The following COL26A1 variants were observed in gnomAD, a reference collection of about 807,000 sequenced individuals.
The protein encoded by COL26A1 is collagen alpha-1(XXVI) chain.
In COL26A1, 41 loss-of-function variants were observed where a neutral mutation model predicts 59.3. The observed-to-expected ratio is 0.69, with a 90% CI of 0.54 to 0.90. The LOEUF (loss-of-function observed/expected upper bound fraction) is 0.90. Ranked by LOEUF, COL26A1 falls within the 40% of genes least tolerant of loss-of-function variation. The pLI is 0.00. For synonymous variants in COL26A1, 266 were observed against 256.0 expected (o/e 1.04, Z -0.37); for missense variants, 612 against 602.3 (o/e 1.02, Z -0.17).
intron 3 of COL26A1, among the ~76,000 whole-genome samples, chr7:101,458,593 G>A (rs1274788621): frequency 6.6e-6 from 1 of 151,922 alleles, no homozygotes; most frequent in Non-Finnish European, 1.5e-5. Flanking sequence ...TGAGCCAAGT[G>A]AGCCAAGATC....
At chr7:101,482,331 T>G (rs1794174373) in intron 3 of COL26A1, among the ~76,000 whole-genome samples, 1 of 152,198 alleles carries the variant, frequency 6.6e-6, no homozygotes, top group Non-Finnish European at 1.5e-5. Context: ...TTTTTATTGA[T>G]GTTTTTATGT....
At chr7:101,482,827 C>T (rs1426584585) in intron 3 of COL26A1, among the ~76,000 whole-genome samples, 1 of 152,178 alleles carries the variant, frequency 6.6e-6, no homozygotes, top group Non-Finnish European at 1.5e-5. Context: ...CGTGTTGGCA[C>T]ACGCTTGTAA....
At chr7:101,377,961 G>A (rs372392530) in intron 1 of COL26A1, among the ~76,000 whole-genome samples, 4 of 152,102 alleles carry the variant, frequency 2.6e-5, no homozygotes, top group African/African-American at 7.2e-5. Context: ...GCTAGAGAGC[G>A]GTGGCACAAT....
At chr7:101,375,698 A>G (rs1169968271) in intron 1 of COL26A1, among the ~76,000 whole-genome samples, 5 of 150,888 alleles carry the variant, frequency 3.3e-5, no homozygotes, top group African/African-American at 1.2e-4. Context: ...AGAAAGAAAA[A>G]GAAAATTGGC....
intron 1 of COL26A1, among the ~76,000 whole-genome samples, chr7:101,367,392 C>T (rs561867920): frequency 4.6e-5 from 7 of 152,218 alleles, no homozygotes; most frequent in South Asian, 2.1e-4. Context: ...AGGCCAGGTG[C>T]GGTGGCTCAT....
At chr7:101,483,601 G>A (rs1410648984) in intron 3 of COL26A1, among the ~76,000 whole-genome samples, 1 of 152,020 alleles carries the variant, frequency 6.6e-6, no homozygotes, top group Non-Finnish European at 1.5e-5. Flanking sequence ...TTGAACTCCT[G>A]GGTTCAAGCC....
chr7:101,512,194 C>T (rs749485398), intron 3 of COL26A1, among the ~76,000 whole-genome samples: 1 of 152,062 alleles, frequency 6.6e-6, no homozygotes, highest in African/African-American at 2.4e-5. Flanking sequence ...GGAGGTTGGG[C>T]TCCTCTGTTG....
chr7:101,545,885 A>G (rs964229995), intron 7 of COL26A1, among the ~76,000 whole-genome samples: 5 of 152,054 alleles, frequency 3.3e-5, no homozygotes, highest in Non-Finnish European at 1.5e-5. Flanking sequence ...ACCCCACCCC[A>G]CCAAGGTTAT....
At chr7:101,460,730 G>A (rs11772795) in intron 3 of COL26A1, among the ~76,000 whole-genome samples, 98,919 of 151,252 alleles carry the variant, frequency 0.65, 33,808 homozygotes, top group African/African-American at 0.86. Context: ...CCAATAAGCC[G>A]AGATCATGTC....
intron 3 of COL26A1, among the ~76,000 whole-genome samples, chr7:101,512,131 C>T (rs1164059684): frequency 2.0e-5 from 3 of 152,066 alleles, no homozygotes; most frequent in Admixed American, 6.6e-5. Flanking sequence ...CCGTGGAGGT[C>T]GGGGTGGAGT....
chr7:101,460,199 G>C (rs931914871), intron 3 of COL26A1, among the ~76,000 whole-genome samples: 2 of 152,142 alleles, frequency 1.3e-5, no homozygotes, highest in Non-Finnish European at 2.9e-5. Flanking sequence ...GGGCTCCCAG[G>C]TGTGCTGTGT....
At position 101,553,392 on chromosome 7, in the gene COL26A1, C is replaced by CTTCACG; in HGVS notation, c.1080+20_1080+25dup. The CTTCACG allele has an allele frequency of 6.2e-7, 1 of 1,612,706 alleles. No individual in the cohort carries two copies. On this transcript the variant is annotated intron_variant, in intron 11 of 12. Coordinates refer to ENST00000313669, the MANE Select transcript of COL26A1 (RefSeq NM_001278563.3). ...CACTGCAGAGGTAACCATGGCTGCC[C>CTTCACG]TTCACGTTCCCTCCCGCCTCCTTGG...
chr7:101,538,828 A>G (rs930741654), intron 4 of COL26A1, among the ~76,000 whole-genome samples: 12 of 152,290 alleles, frequency 7.9e-5, no homozygotes, highest in Admixed American at 2.6e-4. Context: ...GGGGCACTGC[A>G]GAACTGGTGA....
chr7:101,402,192 T>C (rs929900071), intron 1 of COL26A1, among the ~76,000 whole-genome samples: 2 of 152,154 alleles, frequency 1.3e-5, no homozygotes, highest in Non-Finnish European at 2.9e-5. Flanking sequence ...GAAAAGGTGT[T>C]CTGCTGGTGG....
chr7:101,541,486 G>C (rs190791869), intron 5 of COL26A1, among the ~76,000 whole-genome samples: 1 of 150,308 alleles, frequency 6.7e-6, no homozygotes, highest in Non-Finnish European at 1.5e-5. Context: ...TTGGGACTAC[G>C]AGTGCACACC....
At chr7:101,464,259 C>A (rs1235518373) in intron 3 of COL26A1, among the ~76,000 whole-genome samples, 1 of 152,020 alleles carries the variant, frequency 6.6e-6, no homozygotes, top group Non-Finnish European at 1.5e-5. Context: ...TGCCACCACT[C>A]CCAGCTAATT....
chr7:101,452,713 A>G (rs1793372877), intron 3 of COL26A1, among the ~76,000 whole-genome samples: 1 of 151,884 alleles, frequency 6.6e-6, no homozygotes, highest in Non-Finnish European at 1.5e-5. Context: ...ATTTGTGTAT[A>G]TCAACATATC....
At chr7:101,387,776 A>ATTTTTTTTTTTTTTTT (rs1445116473) in intron 1 of COL26A1, among the ~76,000 whole-genome samples, 4 of 84,752 alleles carry the variant, frequency 4.7e-5, no homozygotes, top group Non-Finnish European at 6.7e-5. Context: ...ATATATATAT[A>ATTTTTTTTTTTTTTTT]TATTTTTTTT....
chr7:101,476,782 C>T (rs1328988157), intron 3 of COL26A1, among the ~76,000 whole-genome samples: 1 of 144,874 alleles, frequency 6.9e-6, no homozygotes, highest in Non-Finnish European at 1.5e-5. Context: ...CTCCTGACCT[C>T]GTGATCCACC....
Sources: allele counts gnomAD v4.1 joint callset (sites outside exome capture counted in the v4.1 genomes callset), GRCh38; gene constraint gnomAD v4.1.1; transcripts MANE v1.5; gene names NCBI Gene and HGNC (gene_info 2026-07-23, HGNC 2026-07-21).